The following SATB1 variants were observed in gnomAD, a reference collection of about 807,000 sequenced individuals.
The protein encoded by SATB1 is SATB homeobox 1.
Under a neutral mutation model 86.9 loss-of-function variants are expected in SATB1, and 11 were observed. That is an observed-to-expected ratio of 0.13 (90% CI 0.08 to 0.21). SATB1 has a LOEUF of 0.21. SATB1 is among the 10% of genes least tolerant of loss of function. SATB1 has a pLI of 1.00. For missense variants in SATB1, 551 were observed against 937.6 expected, an observed-to-expected ratio of 0.59 and a Z score of 5.39; for synonymous variants, 357 against 357.2, an observed-to-expected ratio of 1.00 and a Z score of 0.01.
At chr3:18,381,703 TTAATAG>T (rs1416999493) in intron 8 of SATB1, among the ~76,000 whole-genome samples, 1 of 152,186 alleles carries the variant, frequency 6.6e-6, no homozygotes, top group East Asian at 1.9e-4. Flanking sequence ...GTCTAATTTT[TTAATAG>T]CTATTGATTT....
chr3:18,387,575 T>C (rs180738355), intron 7 of SATB1, among the ~76,000 whole-genome samples: 88 of 152,308 alleles, frequency 5.8e-4, no homozygotes, highest in African/African-American at 2.0e-3. Flanking sequence ...AGAGACAATA[T>C]GAAATAAAAG....
chr3:18,445,540 C>T (rs1699373313), exon 1 of SATB1: 4 of 985,190 alleles, frequency 4.1e-6, no homozygotes, highest in Non-Finnish European at 3.6e-6. Context: ...CCCCAACACG[C>T]GCACTCCTCC....
At position 18,370,586 on chromosome 3, in the gene SATB1, A is replaced by C. The variant is rs559715501; in HGVS notation, c.1575+7584T>G. On this transcript the variant is annotated intron_variant, in intron 9 of 10. Transcript: ENST00000338745. ...AAAAAGAAAAGAAAAGAAAAAAAAAACCCTAAAAACAAGGAAAGAAATGCC... is the reference window on the plus strand; with the variant it reads ...AAAAAGAAAAGAAAAGAAAAAAAAACCCCTAAAAACAAGGAAAGAAATGCC... 3.7e-3 allele frequency among the ~76,000 whole-genome samples: 553 copies of C among 149,684 alleles called. 3 individuals are homozygous for C. The highest frequency in any genetic ancestry group is 0.011 in the African/African-American group (441 of 40,062).
chr3:18,415,910 A>T (rs1331961992), intron 4 of SATB1, 97 bp downstream of exon 4: 30 of 1,201,368 alleles, frequency 2.5e-5, no homozygotes, highest in Non-Finnish European at 4.6e-6. Context: ...TGAAACACAG[A>T]CTAAAAAAAA....
In SATB1 at chr3:18,349,274, C is replaced by G; in HGVS notation, c.2188G>C (p.Glu730Gln). ...TTAGTATTTTTATCTTGGACACTCT[C>G]TTCCAAATCCTTCAGCAGCTCCTCT... The part of the protein sequence containing the change: ...KEEELLKDLE[E>Q]SVQDKNTNTL... The change falls in exon 11 of 11, where the codon GAG becomes CAG. Residue 730 changes from glutamate (E) to glutamine (Q), a missense_variant. Transcript: ENST00000338745. This position sits in a 1 kb window ranked among gnomAD's most constrained non-coding sequence, Gnocchi z 5.5. 4.3e-6 allele frequency: 7 copies of G among 1,614,248 alleles called. No homozygotes were observed. Among genetic ancestry groups the G allele is most frequent in the Non-Finnish European group, 5.1e-6 (6 of 1,180,044 alleles).
At chr3:18,425,744 C>G (rs1698666983), upstream of SATB1, among the ~76,000 whole-genome samples, 1 of 150,934 alleles carries the variant, frequency 6.6e-6, no homozygotes, top group Non-Finnish European at 1.5e-5. Context: ...AGGGGGCTTC[C>G]CTGGCAGCGT....
intron 7 of SATB1, among the ~76,000 whole-genome samples, chr3:18,392,873 GT>G: frequency 6.6e-6 from 1 of 150,754 alleles, no homozygotes; most frequent in Middle Eastern, 3.5e-3. Flanking sequence ...GATGAACACA[GT>G]TTTTTAAGCT....
At position 18,351,312 on chromosome 3, in the gene SATB1, C is replaced by T. The variant is rs1455981520; in HGVS notation, c.1779+680G>A. On this transcript the variant is annotated intron_variant, in intron 10 of 10. Coordinates refer to ENST00000338745, the MANE Select transcript of SATB1 (RefSeq NM_002971.6). Reference sequence around the variant, plus strand: ...TGGCATAGGTAACTGTGCCCGCTCACCTGAGGAGCAGCACCGAGCCATGGT... The same window carrying T: ...TGGCATAGGTAACTGTGCCCGCTCATCTGAGGAGCAGCACCGAGCCATGGT... 2.6e-6 allele frequency: 4 copies of T among 1,542,628 alleles called. No individual in the cohort carries two copies. Among genetic ancestry groups the T allele is most frequent in the Non-Finnish European group, 3.5e-6 (4 of 1,150,482 alleles).
At chr3:18,367,635 TA>T (rs1695251838) in intron 9 of SATB1, among the ~76,000 whole-genome samples, 1 of 152,174 alleles carries the variant, frequency 6.6e-6, no homozygotes, top group Admixed American at 6.5e-5. Flanking sequence ...GTCTAACGAT[TA>T]ATTTAATGAA....
In SATB1 at chr3:18,392,169, A is replaced by T. The variant is rs544566862; in HGVS notation, c.1206+2293T>A. The stretch of plus-strand genomic sequence containing the variant: ...GGAGGTATCTGCAATCAAGCTATAC[A>T]AGGTAAAGTTTTCATTCTCCTCTCA... On this transcript the variant is annotated intron_variant, in intron 7 of 10. Transcript: ENST00000338745. Among the ~76,000 whole-genome samples, 3 of 152,300 alleles carry T rather than the reference A, an allele frequency of 2.0e-5. No individual in the cohort carries two copies. In the East Asian group the frequency reaches 5.8e-4, roughly 29 times the overall value.
intron 8 of SATB1, among the ~76,000 whole-genome samples, chr3:18,384,478 C>A (rs1366350470): frequency 6.9e-6 from 1 of 144,776 alleles, no homozygotes. Context: ...TTTTTTAAAG[C>A]AGTTCAATGT....
At chr3:18,362,661 A>G (rs1694959454) in intron 9 of SATB1, among the ~76,000 whole-genome samples, 1 of 152,014 alleles carries the variant, frequency 6.6e-6, no homozygotes, top group Admixed American at 6.6e-5. Flanking sequence ...CTTTAAAAAG[A>G]AGAATTTATG....
At chr3:18,417,788 T>C (rs1698195612) in intron 2 of SATB1, 1 of 614,244 alleles carries the variant, frequency 1.6e-6, no homozygotes, top group Admixed American at 3.0e-5. Context: ...CATAAGTCTT[T>C]AAAATCAACA....
chr3:18,383,551 TCTC>T (rs1401937348), intron 8 of SATB1, among the ~76,000 whole-genome samples: 2 of 152,212 alleles, frequency 1.3e-5, no homozygotes, highest in Non-Finnish European at 2.9e-5. Flanking sequence ...ATGTTTCAAA[TCTC>T]CTCATTTTGG....
chr3:18,349,660 T>C lies in SATB1; in HGVS notation c.1802A>G (p.Gln601Arg). ...CGGTGCCTGCTGCTGCTGCTGCTGC[T>C]GTTGCTGTTGCTGCTGCTGTTGCTG... is the stretch of plus-strand genomic sequence containing the variant. ...QIQQQQQQQQ[Q>R]QQQQQQAPPP... The change falls in exon 11 of 11, where the codon CAG becomes CGG. Residue 601 changes from glutamine to arginine, a missense_variant. Physicochemically the swap from Gln to Arg is conservative, Grantham distance 43 (BLOSUM62 1). Coordinates refer to ENST00000338745, the MANE Select transcript of SATB1 (RefSeq NM_002971.6). This position sits in a 1 kb window ranked among gnomAD's most constrained non-coding sequence, Gnocchi z 5.5. 6.2e-7 allele frequency: 1 copy of C among 1,607,972 alleles called. No homozygotes were observed. Among genetic ancestry groups the C allele is most frequent in the Non-Finnish European group, 8.5e-7 (1 of 1,177,316 alleles).
intron 9 of SATB1, among the ~76,000 whole-genome samples, chr3:18,363,585 T>C (rs1455458600): frequency 1.3e-5 from 2 of 152,136 alleles, no homozygotes; most frequent in African/African-American, 2.4e-5. Context: ...ATGACCCTAC[T>C]CCATCCTTGT....
rs912909119 is a variant in SATB1 at position 18,410,955 on chromosome 3, A to G, written c.639+4156T>C. On this transcript the variant is annotated intron_variant, in intron 5 of 10. Transcript: ENST00000338745. ...AATGACTGTCATGTTTCAGGAGAGC[A>G]GTACTGAAGCTAAGCTTCAGGAGCA... The G allele has an allele frequency of 1.8e-5, 7 of 394,524 alleles. No individual in the cohort carries two copies. In the Admixed American group the frequency reaches 2.7e-4, roughly 15 times the overall value. 24.4% of individuals were successfully genotyped at this position (394,524 alleles called of 1,614,324 possible).
chr3:18,411,429 A>G (rs1697836566), intron 5 of SATB1, among the ~76,000 whole-genome samples: 1 of 152,164 alleles, frequency 6.6e-6, no homozygotes, highest in Admixed American at 6.5e-5. Context: ...CCTTTACTTA[A>G]CAAAATGAAT....
At position 18,424,323 on chromosome 3, in the gene SATB1, A is replaced by ACCCCCCCCCCC. The variant is rs138686151; in HGVS notation, c.-722_-721insGGGGGGGGGGG. The ACCCCCCCCCCC allele has an allele frequency of 2.7e-5, 4 of 147,492 alleles. No homozygotes were observed. Among genetic ancestry groups the ACCCCCCCCCCC allele is most frequent in the South Asian group, 2.2e-4 (1 of 4,574 alleles). 9.1% of individuals were successfully genotyped at this position (147,492 alleles called of 1,614,324 possible). Reference sequence around the variant, plus strand: ...CCTCGCCTCCCTTCCAATCACCCCCACCCCCCTCGCCAACAATCGCGACTA... The same window carrying ACCCCCCCCCCC: ...CCTCGCCTCCCTTCCAATCACCCCCACCCCCCCCCCCCCCCCCTCGCCAACAATCGCGACTA... On this transcript the variant is annotated 5_prime_UTR_variant, in exon 1 of 11. Coordinates refer to ENST00000338745, the MANE Select transcript of SATB1 (RefSeq NM_002971.6).
Sources: gnomAD v4.1 joint callset for allele counts (sites outside exome capture counted in the v4.1 genomes callset) on GRCh38, gnomAD v4.1.1 for gene constraint, Gnocchi (gnomAD v3.1) non-coding constraint, MANE v1.5 for transcripts, NCBI Gene and HGNC (gene_info 2026-07-23, HGNC 2026-07-21) for gene names.